The following SORCS3 variants were observed in gnomAD, a reference collection of about 807,000 sequenced individuals.
SORCS3 encodes sortilin related VPS10 domain containing receptor 3.
In SORCS3, 57 loss-of-function variants were observed where a neutral mutation model predicts 146.3. The ratio of observed to expected loss-of-function variants is 0.39; its 90% CI spans 0.31 to 0.49. The LOEUF (loss-of-function observed/expected upper bound fraction) is 0.49. SORCS3 is among the 20% of genes least tolerant of loss of function. The probability of loss-of-function intolerance (pLI) is 0.92; values close to 1 mark genes in which losing one functional copy is unlikely to be tolerated. For missense variants in SORCS3, 1,341 were observed against 1,575.5 expected (o/e 0.85, Z 2.52); for synonymous variants, 653 against 618.5 (o/e 1.06, Z -0.83).
At chr10:104,672,787 A>T (rs529030718) in intron 1 of SORCS3, among the ~76,000 whole-genome samples, 72 of 152,144 alleles carry the variant, frequency 4.7e-4, no homozygotes, top group Admixed American at 2.4e-3. Context: ...ATCTAAGTGG[A>T]TTATTGTATT....
intron 5 of SORCS3, among the ~76,000 whole-genome samples, chr10:105,044,809 G>A (rs887399772): frequency 1.3e-5 from 2 of 151,768 alleles, no homozygotes; most frequent in African/African-American, 4.8e-5. Flanking sequence ...TCTCCAGCAT[G>A]TTTGCCCCTT....
chr10:104,671,846 T>G (rs1197140713), intron 1 of SORCS3, among the ~76,000 whole-genome samples: 1 of 152,202 alleles, frequency 6.6e-6, no homozygotes, highest in Non-Finnish European at 1.5e-5. Context: ...CGTATAATCC[T>G]GCTAAGATGC....
intron 14 of SORCS3, among the ~76,000 whole-genome samples, chr10:105,178,464 G>A (rs1201944101): frequency 2.0e-5 from 3 of 152,142 alleles, no homozygotes; most frequent in Non-Finnish European, 4.4e-5. Context: ...GAAAACTTAT[G>A]TCGTTAGATG....
chr10:104,642,489 A>G (rs2015438168), intron 1 of SORCS3, among the ~76,000 whole-genome samples: 1 of 151,192 alleles, frequency 6.6e-6, no homozygotes, highest in African/African-American at 2.4e-5. Flanking sequence ...CCAGGCGCGC[A>G]GTCCTCCAGC....
intron 1 of SORCS3, among the ~76,000 whole-genome samples, chr10:104,726,849 C>T (rs1367578470): frequency 6.6e-6 from 1 of 152,146 alleles, no homozygotes; most frequent in Non-Finnish European, 1.5e-5. Context: ...GACCAGCAGT[C>T]CCAGTTGACC....
intron 1 of SORCS3, among the ~76,000 whole-genome samples, chr10:104,744,080 A>T (rs964603763): frequency 3.9e-5 from 6 of 152,242 alleles, no homozygotes; most frequent in Admixed American, 2.0e-4. Flanking sequence ...CAGATGAAGA[A>T]ATCAACCCTT....
At chr10:104,940,236 ATATTTTTTTTTTTT>A in intron 3 of SORCS3, among the ~76,000 whole-genome samples, 1 of 23,616 alleles carries the variant, frequency 4.2e-5, no homozygotes, top group African/African-American at 1.3e-4. Flanking sequence ...ATATATATAT[ATATTTTTTTTTTTT>A]TTTTTATTAT....
intron 1 of SORCS3, among the ~76,000 whole-genome samples, chr10:104,663,736 G>T (rs1335360258): frequency 6.6e-6 from 1 of 152,146 alleles, no homozygotes; most frequent in African/African-American, 2.4e-5. Context: ...TTTCTAGGTT[G>T]CTGAGCAACT....
At chr10:104,644,015 G>T (rs2015461589) in intron 1 of SORCS3, among the ~76,000 whole-genome samples, 1 of 152,160 alleles carries the variant, frequency 6.6e-6, no homozygotes. Flanking sequence ...GGCCTTCTTT[G>T]CTCATCTTCA....
intron 19 of SORCS3, among the ~76,000 whole-genome samples, chr10:105,219,234 C>T (rs2056684340): frequency 1.3e-5 from 2 of 152,238 alleles, no homozygotes; most frequent in South Asian, 2.1e-4. Context: ...GGAAAAGGCT[C>T]AGGGGGCAAA....
intron 1 of SORCS3, among the ~76,000 whole-genome samples, chr10:104,828,641 T>C (rs1589515097): frequency 6.6e-6 from 1 of 152,112 alleles, no homozygotes; most frequent in Non-Finnish European, 1.5e-5. Flanking sequence ...CGACATGGGG[T>C]TGCCACAAGC....
chr10:105,001,209 C>A (rs1320631688), intron 4 of SORCS3, among the ~76,000 whole-genome samples: 2 of 152,032 alleles, frequency 1.3e-5, no homozygotes, highest in Non-Finnish European at 2.9e-5. Flanking sequence ...GGTCACATAG[C>A]CAGTAAGTGA....
intron 4 of SORCS3, among the ~76,000 whole-genome samples, chr10:105,000,291 C>T (rs1386131242): frequency 1.3e-5 from 2 of 151,812 alleles, no homozygotes; most frequent in African/African-American, 4.8e-5. Flanking sequence ...GTTCATTAAT[C>T]CCAAGCCTCA....
chr10:105,187,258 C>T (rs978092135), intron 14 of SORCS3, among the ~76,000 whole-genome samples: 2 of 152,120 alleles, frequency 1.3e-5, no homozygotes, highest in South Asian at 2.1e-4. Flanking sequence ...CAATCTTTGC[C>T]GCTTTCCACT....
intron 3 of SORCS3, among the ~76,000 whole-genome samples, chr10:104,975,592 C>T (rs934329765): frequency 1.1e-4 from 17 of 152,226 alleles, no homozygotes; most frequent in African/African-American, 2.9e-4. Flanking sequence ...AAAAAGAGCC[C>T]GCATCGCCAA....
chr10:105,060,933 G>A (rs902343973), intron 5 of SORCS3, among the ~76,000 whole-genome samples: 48 of 134,394 alleles, frequency 3.6e-4, no homozygotes, highest in Admixed American at 5.1e-4. Flanking sequence ...GTGAAACTCC[G>A]TCTTAAAACA....
intron 1 of SORCS3, among the ~76,000 whole-genome samples, chr10:104,799,539 T>C (rs2017599460): frequency 6.6e-6 from 1 of 150,846 alleles, no homozygotes; most frequent in Non-Finnish European, 1.5e-5. Flanking sequence ...CACCAGGGCC[T>C]GTTGGGGGTT....
chr10:105,261,478 T>C (rs535981001), intron 25 of SORCS3, among the ~76,000 whole-genome samples: 1 of 152,284 alleles, frequency 6.6e-6, no homozygotes, highest in South Asian at 2.1e-4. Context: ...CAGTCCAGAC[T>C]TACAGAGCCA....
chr10:105,033,533 G>T (rs977298880), intron 4 of SORCS3, among the ~76,000 whole-genome samples: 2 of 152,186 alleles, frequency 1.3e-5, no homozygotes, highest in Admixed American at 1.3e-4. Flanking sequence ...TAAGATTTCA[G>T]ATGGGATTCC....
Sources: gnomAD v4.1 joint callset for allele counts (sites outside exome capture counted in the v4.1 genomes callset) on GRCh38, gnomAD v4.1.1 for gene constraint, MANE v1.5 for transcripts, NCBI Gene and HGNC (gene_info 2026-07-23, HGNC 2026-07-21) for gene names.